TUFT1: variants seen among roughly 807,000 people sequenced by gnomAD.
The protein encoded by TUFT1 is tuftelin 1.
TUFT1 carries 43 observed loss-of-function variants against 57.8 expected under a neutral mutation model. The observed-to-expected ratio is 0.74, with a 90% CI of 0.58 to 0.96. TUFT1 has a LOEUF of 0.96. TUFT1 is among the 40% of genes least tolerant of loss of function. TUFT1 has a pLI of 0.00. For synonymous variants in TUFT1, 166 were observed against 176.7 expected, an observed-to-expected ratio of 0.94 and a Z score of 0.48; for missense variants, 459 against 489.0, an observed-to-expected ratio of 0.94 and a Z score of 0.58.
At chr1:151,540,757 T>G in intron 1 of TUFT1, 3 of 288,578 alleles carry the variant, frequency 1.0e-5, no homozygotes, top group Non-Finnish European at 1.3e-5. Flanking sequence ...CATAAGAGAA[T>G]GAGCTCAAGC....
At chr1:151,567,265 G>A (rs1443403539) in intron 6 of TUFT1, among the ~76,000 whole-genome samples, 1 of 152,088 alleles carries the variant, frequency 6.6e-6, no homozygotes, top group Admixed American at 6.6e-5. Context: ...CTGAGCTGGA[G>A]TGCAGTGGTG....
At chr1:151,554,078 A>G (rs1171478482) in intron 1 of TUFT1, among the ~76,000 whole-genome samples, 2 of 152,226 alleles carry the variant, frequency 1.3e-5, no homozygotes, top group African/African-American at 2.4e-5. Context: ...TTAAATTTAC[A>G]GAAAAGTTGC....
intron 12 of TUFT1, 91 bp downstream of exon 12, chr1:151,581,133 C>A: frequency 8.2e-7 from 1 of 1,217,718 alleles, no homozygotes; most frequent in Non-Finnish European, 1.2e-6. Flanking sequence ...AAGGCAAGAA[C>A]AAGGCTCCTT....
At chr1:151,561,426 A>G in intron 1 of TUFT1, 1 of 413,984 alleles carries the variant, frequency 2.4e-6, no homozygotes, top group Non-Finnish European at 3.2e-6. Flanking sequence ...AGGTGGGTGG[A>G]TCACTTAAGC....
chr1:151,554,465 T>TAGCAG, intron 1 of TUFT1, among the ~76,000 whole-genome samples: 1 of 152,298 alleles, frequency 6.6e-6, no homozygotes, highest in Non-Finnish European at 1.5e-5. Flanking sequence ...AGTGGCACGA[T>TAGCAG]CTTGGCTCAC....
rs1318577817 is a variant in TUFT1, at chr1:151,582,286, TTGAC to T, written c.*582_*585del. ...TGGTGAGAGCCAGTGAACCTAAGCT[TTGAC>T]TGGGTGGCCTTGTCTTTCTGGGGAG... On this transcript the variant is annotated 3_prime_UTR_variant, in exon 13 of 13. Coordinates refer to ENST00000368849, the MANE Select transcript of TUFT1 (RefSeq NM_020127.3). 6.7e-6 allele frequency: 3 copies of T among 449,070 alleles called. No homozygotes were observed. The Admixed American group carries it at 7.1e-5, about 11-fold the overall frequency. 27.8% of individuals were successfully genotyped at this position (449,070 alleles called of 1,614,324 possible).
rs1197278949 is a variant in TUFT1, at chr1:151,561,001, T to TGTGA, written c.61-1086_61-1083dup. On this transcript the variant is annotated intron_variant, in intron 1 of 12. Transcript: ENST00000368849. The stretch of plus-strand genomic sequence containing the variant: ...GTGTGTGTGTGTGTGTGTGTGTGTG[T>TGTGA]GTGAGTGTTTGAGACGGAGTCTTGC... 7.4e-4 allele frequency among the ~76,000 whole-genome samples: 96 copies of TGTGA among 129,982 alleles called. 1 individual carries two copies. Among genetic ancestry groups the TGTGA allele is most frequent in the African/African-American group, 2.5e-3 (95 of 37,934 alleles). 85.3% of individuals were successfully genotyped at this position (129,982 alleles called of 152,430 possible).
chr1:151,564,880 A>C, intron 5 of TUFT1: 1 of 279,568 alleles, frequency 3.6e-6, no homozygotes. Flanking sequence ...TATAAATTAA[A>C]TATCATCAGT....
intron 9 of TUFT1, among the ~76,000 whole-genome samples, chr1:151,575,706 A>G (rs558839381): frequency 9.8e-5 from 15 of 152,366 alleles, no homozygotes; most frequent in African/African-American, 3.6e-4. Context: ...GGTAAATCAC[A>G]TTTAACATCA....
chr1:151,581,743 T>C lies in TUFT1; in HGVS notation c.*36T>C, dbSNP rs1666651897. Reference sequence around the variant, plus strand: ...GATGGTTGCTGCCATTGCTGCTGCCTCTGCCTCGGAGAAGCCCACTGCCCC... The same window carrying C: ...GATGGTTGCTGCCATTGCTGCTGCCCCTGCCTCGGAGAAGCCCACTGCCCC... On this transcript the variant is annotated 3_prime_UTR_variant, in exon 13 of 13. Transcript: ENST00000368849. 7 of 1,611,476 alleles carry C rather than the reference T, an allele frequency of 4.3e-6. No individual in the cohort carries two copies. The highest frequency in any genetic ancestry group is 5.9e-6 in the Non-Finnish European group (7 of 1,177,716).
intron 11 of TUFT1, 31 bp from the exon 12 acceptor site, chr1:151,580,911 G>T (rs1666627677): frequency 1.2e-6 from 2 of 1,608,526 alleles, no homozygotes; most frequent in Non-Finnish European, 1.7e-6. Context: ...CCAGAAAAAG[G>T]CCAACTCTAA....
At chr1:151,569,527 G>A in intron 6 of TUFT1, 130 bp from the exon 7 acceptor site, 1 of 700,358 alleles carries the variant, frequency 1.4e-6, no homozygotes, top group Non-Finnish European at 2.5e-6. Context: ...CCCCTTGTGT[G>A]ATGACAGTTC....
chr1:151,576,548 T>TG (rs1315316682), intron 9 of TUFT1, among the ~76,000 whole-genome samples: 1 of 152,162 alleles, frequency 6.6e-6, no homozygotes, highest in East Asian at 1.9e-4. Flanking sequence ...GGCTATAAAT[T>TG]GGGGGTTCCC....
intron 9 of TUFT1, among the ~76,000 whole-genome samples, chr1:151,576,497 C>T (rs143209231): frequency 5.7e-4 from 87 of 152,296 alleles, no homozygotes; most frequent in African/African-American, 1.9e-3. Flanking sequence ...ATGCCAGTCA[C>T]AAGTAGTGGG....
chr1:151,563,953 T>C lies in TUFT1; in HGVS notation c.287T>C (p.Ile96Thr), dbSNP rs1479534530. Residue 96 changes from isoleucine to threonine, a missense_variant, in exon 4 of 13, where the codon ATT (isoleucine) becomes ACT (threonine). Coordinates refer to ENST00000368849, the MANE Select transcript of TUFT1 (RefSeq NM_020127.3). ...GACAAGATGATTCACGAGAAGAATA[T>C]TAACCAGCTGAAGAGTGAGGTCCAG... ...SGDKMIHEKN[I>T]NQLKSEVQYI... 5.0e-6 allele frequency: 8 copies of C among 1,614,042 alleles called. No individual in the cohort carries two copies. Among genetic ancestry groups the C allele is most frequent in the Non-Finnish European group, 6.8e-6 (8 of 1,180,038 alleles).
At chr1:151,544,347 G>GGTGC (rs1470790778) in intron 1 of TUFT1, among the ~76,000 whole-genome samples, 2 of 151,314 alleles carry the variant, frequency 1.3e-5, no homozygotes, top group Non-Finnish European at 2.9e-5. Context: ...CCCAGGCTGG[G>GGTGC]GTGCGGTGGC....
intron 1 of TUFT1, chr1:151,561,628 GT>G: frequency 8.4e-7 from 1 of 1,187,392 alleles, no homozygotes; most frequent in South Asian, 1.6e-5. Context: ...AGAAATGGGA[GT>G]TTGAATTCAG....
chr1:151,562,437 A>G, intron 2 of TUFT1, 148 bp from the exon 3 acceptor site: 1 of 754,214 alleles, frequency 1.3e-6, no homozygotes, highest in Non-Finnish European at 2.1e-6. Context: ...TCGGAAACGA[A>G]TTTTTGGAGA....
At chr1:151,555,048 C>T (rs1271950042) in intron 1 of TUFT1, among the ~76,000 whole-genome samples, 2 of 148,672 alleles carry the variant, frequency 1.3e-5, no homozygotes, top group African/African-American at 4.9e-5. Context: ...AATTTTAAGG[C>T]CGGGCATGGT....
Sources: gnomAD v4.1 joint callset for allele counts (sites outside exome capture counted in the v4.1 genomes callset) on GRCh38, gnomAD v4.1.1 for gene constraint, MANE v1.5 for transcripts, NCBI Gene and HGNC (gene_info 2026-07-23, HGNC 2026-07-21) for gene names.